The following MMEL1 variants were observed in gnomAD, a reference collection of about 807,000 sequenced individuals.
The protein encoded by MMEL1 is membrane metallo-endopeptidase-like 1.
A neutral mutation model predicts 117.1 loss-of-function variants in MMEL1; 98 were observed. That is an observed-to-expected ratio of 0.84 (90% CI 0.71 to 0.99). The LOEUF is 0.99. Among genes scored for constraint, MMEL1 ranks in the 50% least tolerant of loss-of-function variants. MMEL1 has a pLI of 0.00. For synonymous variants in MMEL1, 390 were observed against 415.1 expected (o/e 0.94, Z 0.74); for missense variants, 1,014 against 1,049.1 (o/e 0.97, Z 0.46).
intron 2 of MMEL1, among the ~76,000 whole-genome samples, chr1:2,624,447 T>C (rs1645338375): frequency 6.6e-6 from 1 of 152,092 alleles, no homozygotes; most frequent in African/African-American, 2.4e-5. Context: ...GAAGAGGAGG[T>C]GTACCTGATT....
At chr1:2,592,342 C>A in intron 21 of MMEL1, among the ~76,000 whole-genome samples, 1 of 115,136 alleles carries the variant, frequency 8.7e-6, no homozygotes, top group Non-Finnish European at 1.9e-5. Flanking sequence ...CCCCCCTCCC[C>A]TGCCATGCTG....
At chr1:2,598,408 G>A in intron 12 of MMEL1, 108 bp from the exon 13 acceptor site, 1 of 1,263,382 alleles carries the variant, frequency 7.9e-7, no homozygotes, top group East Asian at 2.4e-5. Context: ...AGAGAGTTAT[G>A]GGTGCTGGAG....
intron 1 of MMEL1, among the ~76,000 whole-genome samples, chr1:2,632,352 C>G (rs1014629295): frequency 6.6e-6 from 1 of 152,330 alleles, no homozygotes; most frequent in South Asian, 2.1e-4. Flanking sequence ...CCAGAGACCT[C>G]GGTCATTATC....
At chr1:2,599,284 G>C (rs1644894440) in intron 11 of MMEL1, among the ~76,000 whole-genome samples, 1 of 152,132 alleles carries the variant, frequency 6.6e-6, no homozygotes, top group Admixed American at 6.5e-5. Context: ...TATAAGCAGA[G>C]TAAATAATAA....
In MMEL1 at chr1:2,609,297, C is replaced by G. The variant is rs548227538; in HGVS notation, c.535+42G>C. On this transcript the variant is annotated intron_variant, in intron 6 of 23. Coordinates refer to ENST00000378412, the MANE Select transcript of MMEL1 (RefSeq NM_033467.4). The stretch of plus-strand genomic sequence containing the variant: ...TAGGCCCTGGCAGGGGCAGCCCGCC[C>G]CCGTCCCCTGCCTCGGCCCCTTCCT... 1.2e-4 allele frequency: 192 copies of G among 1,579,708 alleles called. 1 individual carries two copies. The highest frequency in any genetic ancestry group is 1.2e-3 in the South Asian group (105 of 87,732).
rs951045110 is a variant in MMEL1, at chr1:2,609,249, G to A, written c.535+90C>T. 8 of 1,305,688 alleles carry A rather than the reference G, an allele frequency of 6.1e-6. No homozygotes were observed. In the African/African-American group the frequency reaches 1.2e-4, roughly 19 times the overall value. 80.9% of individuals were successfully genotyped at this position (1,305,688 alleles called of 1,614,324 possible). Reference sequence around the variant, plus strand: ...GGCACCCACTCCTACCCTAGGGGCAGCCATGGGGTCCTGGGGCTGCGCTAG... The same window carrying A: ...GGCACCCACTCCTACCCTAGGGGCAACCATGGGGTCCTGGGGCTGCGCTAG... On this transcript the variant is annotated intron_variant, in intron 6 of 23. Transcript: ENST00000378412.
intron 13 of MMEL1, among the ~76,000 whole-genome samples, chr1:2,597,589 G>A (rs535059947): frequency 1.9e-3 from 290 of 151,966 alleles, no homozygotes; most frequent in Admixed American, 4.3e-3. Context: ...TGCTGACCCC[G>A]CCCCCTACTC....
At chr1:2,592,355 G>A (rs1453938057) in intron 21 of MMEL1, among the ~76,000 whole-genome samples, 972 of 56,800 alleles carry the variant, frequency 0.017, 43 homozygotes, top group Non-Finnish European at 0.023. Flanking sequence ...CCATGCTGAC[G>A]CCCCCTCCCC....
intron 2 of MMEL1, among the ~76,000 whole-genome samples, chr1:2,623,495 C>G (rs1645322324): frequency 6.6e-6 from 1 of 152,162 alleles, no homozygotes; most frequent in African/African-American, 2.4e-5. Flanking sequence ...TAAGGCCCTC[C>G]AAGGAAAGGC....
intron 2 of MMEL1, among the ~76,000 whole-genome samples, chr1:2,621,023 A>T (rs1645281829): frequency 6.6e-6 from 1 of 152,134 alleles, no homozygotes; most frequent in African/African-American, 2.4e-5. Context: ...GATGGCTCAC[A>T]CCTATAATCC....
rs377734709 is a variant in MMEL1, at chr1:2,609,368, C to G, written c.506G>C (p.Arg169Thr). Residue 169 changes from arginine (R) to threonine (T), a missense_variant, in exon 6 of 24, where the codon AGG (arginine) becomes ACG (threonine). By Grantham distance (71) the Arg-to-Thr change is moderately conservative. Transcript: ENST00000378412. ...AKDRPAVEKA[R>T]TLYRSCMNQS... Reference sequence around the variant, plus strand: ...GTTCATGCAGGAGCGGTACAGCGTCCTGGCCTTCTCCACAGCCGGCCGGTC... The same window carrying G: ...GTTCATGCAGGAGCGGTACAGCGTCGTGGCCTTCTCCACAGCCGGCCGGTC... 24 of 1,612,220 alleles carry G rather than the reference C, an allele frequency of 1.5e-5. No homozygotes were observed. The highest frequency in any genetic ancestry group is 2.0e-5 in the Non-Finnish European group (24 of 1,179,592).
intron 1 of MMEL1, chr1:2,632,495 C>T (rs189507263): frequency 6.5e-6 from 1 of 152,976 alleles, no homozygotes; most frequent in African/African-American, 2.4e-5. Flanking sequence ...TTCATTCTGT[C>T]CTGCAGGTAT....
chr1:2,616,805 G>A (rs1296946257), intron 2 of MMEL1, among the ~76,000 whole-genome samples: 5 of 152,214 alleles, frequency 3.3e-5, no homozygotes, highest in Non-Finnish European at 1.5e-5. Context: ...GAAGAGGCGA[G>A]TTCATGCCTC....
intron 9 of MMEL1, among the ~76,000 whole-genome samples, chr1:2,604,904 G>A (rs923989631): frequency 6.6e-6 from 1 of 152,194 alleles, no homozygotes; most frequent in Non-Finnish European, 1.5e-5. Flanking sequence ...CAGCCCCACT[G>A]CTCCACCTTT....
intron 2 of MMEL1, among the ~76,000 whole-genome samples, chr1:2,628,547 C>A (rs970899493): frequency 6.6e-6 from 1 of 152,174 alleles, no homozygotes; most frequent in Non-Finnish European, 1.5e-5. Context: ...CCGATGTGTG[C>A]GCGCTGCCCG....
rs777334071 is a variant in MMEL1 at position 2,591,102 on chromosome 1, G to A, written c.2241-13C>T. The stretch of plus-strand genomic sequence containing the variant: ...CGACCCCAGTACCCTGTGGGTGGGT[G>A]GGTGTGACAGCAGGAGCATTGCCAT... On this transcript the variant is annotated splice_polypyrimidine_tract_variant and intron_variant, in intron 23 of 23. Transcript: ENST00000378412. 3 of 1,547,154 alleles carry A rather than the reference G, an allele frequency of 1.9e-6. No individual in the cohort carries two copies. In the East Asian group the frequency reaches 6.9e-5, roughly 36 times the overall value.
intron 5 of MMEL1, 29 bp from the exon 6 acceptor site, chr1:2,609,448 G>A (rs1407365409): frequency 1.9e-6 from 3 of 1,596,906 alleles, no homozygotes; most frequent in Non-Finnish European, 8.5e-7. Flanking sequence ...GTTGGACAGA[G>A]GCCTGACGAG....
intron 9 of MMEL1, among the ~76,000 whole-genome samples, chr1:2,604,579 G>T (rs914019254): frequency 3.3e-5 from 5 of 152,086 alleles, no homozygotes; most frequent in Non-Finnish European, 7.4e-5. Context: ...GCTGGGGTTG[G>T]GGTGCTGGGC....
Position 2,629,531 on chromosome 1 carries a change from C to T in MMEL1, c.-37-10G>A. ...AGCACCGCGGAGGAACCTGCAGGCCCAGGGCAGGGGAGAGGGGAGAGGGGC... is the reference window on the plus strand; with the variant it reads ...AGCACCGCGGAGGAACCTGCAGGCCTAGGGCAGGGGAGAGGGGAGAGGGGC... On this transcript the variant is annotated splice_polypyrimidine_tract_variant and intron_variant, in intron 1 of 23. Transcript: ENST00000378412. The T allele has an allele frequency of 1.4e-6, 2 of 1,428,670 alleles. No individual in the cohort carries two copies. The highest frequency in any genetic ancestry group is 1.5e-5 in the African/African-American group (1 of 67,800). 88.5% of individuals were successfully genotyped at this position (1,428,670 alleles called of 1,614,324 possible).
Sources: gnomAD v4.1 joint callset for allele counts (sites outside exome capture counted in the v4.1 genomes callset) on GRCh38, gnomAD v4.1.1 for gene constraint, MANE v1.5 for transcripts, NCBI Gene and HGNC (gene_info 2026-07-23, HGNC 2026-07-21) for gene names.